Variants in BRWD1 observed in about 807,000 individuals in gnomAD.
BRWD1 encodes bromodomain and WD repeat-containing protein 1.
Under a neutral mutation model 251.2 loss-of-function variants are expected in BRWD1, and 82 were observed. That is an observed-to-expected ratio of 0.33 (90% CI 0.27 to 0.39). The LOEUF (loss-of-function observed/expected upper bound fraction) is 0.39, where lower values mean the gene tolerates loss of function less well. Among genes scored for constraint, BRWD1 ranks in the 10% least tolerant of loss-of-function variants. The pLI is 1.00. For synonymous variants in BRWD1, 918 were observed against 902.8 expected, an observed-to-expected ratio of 1.02 and a Z score of -0.30; for missense variants, 2,233 against 2,711.6, an observed-to-expected ratio of 0.82 and a Z score of 3.92.
chr21:39,313,322 G>A (rs1320363755), intron 1 of BRWD1, 23 bp from the exon 2 acceptor site: 19 of 1,528,220 alleles, frequency 1.2e-5, no homozygotes, highest in Admixed American at 5.6e-5. Flanking sequence ...AAGGAGTCAG[G>A]TCAAGCCCCG....
chr21:39,301,291 T>C (rs1234616222), intron 4 of BRWD1, among the ~76,000 whole-genome samples: 1 of 152,194 alleles, frequency 6.6e-6, no homozygotes, highest in Non-Finnish European at 1.5e-5. Context: ...CCCCTCCTCA[T>C]TTACTTCAGA....
At chr21:39,205,302 T>C (rs1404440384) in intron 37 of BRWD1, among the ~76,000 whole-genome samples, 1 of 151,950 alleles carries the variant, frequency 6.6e-6, no homozygotes, top group Admixed American at 6.6e-5. Flanking sequence ...CAAGACCCCA[T>C]CTATACAAAA....
At chr21:39,285,801 A>G (rs1290262945) in intron 8 of BRWD1, among the ~76,000 whole-genome samples, 1 of 145,598 alleles carries the variant, frequency 6.9e-6, no homozygotes, top group Admixed American at 7.3e-5. Context: ...GTGGTGACAC[A>G]CACCTGTAGT....
In BRWD1 at chr21:39,287,079, G is replaced by T. The variant is rs188552731; in HGVS notation, c.831+6732C>A. On this transcript the variant is annotated intron_variant, in intron 8 of 40. Coordinates refer to ENST00000342449, the MANE Select transcript of BRWD1 (RefSeq NM_033656.4). ...ACTTCAACCCTAAAATCCTTAGTGTGTATCTCCTAACAATGACATTCTCCT... is the reference window on the plus strand; with the variant it reads ...ACTTCAACCCTAAAATCCTTAGTGTTTATCTCCTAACAATGACATTCTCCT... Among the ~76,000 whole-genome samples the T allele has an allele frequency of 1.4e-4, 22 of 152,232 alleles. No homozygotes were observed. The East Asian group carries it at 3.9e-3, about 27-fold the overall frequency.
At chr21:39,228,460 A>C (rs1300551532) in intron 27 of BRWD1, 40 bp downstream of exon 27, 1 of 1,381,984 alleles carries the variant, frequency 7.2e-7, no homozygotes, top group African/African-American at 1.4e-5. Flanking sequence ...AAACAGATTA[A>C]TTTTTAAGGG....
Position 39,192,684 on chromosome 21 carries a change from G to A in BRWD1, c.*3575C>T, listed in dbSNP as rs1254523599. The A allele has an allele frequency of 1.0e-6, 1 of 984,970 alleles. No homozygotes were observed. Among genetic ancestry groups the A allele is most frequent in the Non-Finnish European group, 1.2e-6 (1 of 829,706 alleles). The allele number at this position is 984,970 out of a possible 1,614,324, so 61.0% of individuals were successfully genotyped here. A position where few individuals can be genotyped will look rare whatever the true frequency, so the allele number is the denominator to read the frequency against. On this transcript the variant is annotated 3_prime_UTR_variant, in exon 41 of 41. Coordinates refer to ENST00000342449, the MANE Select transcript of BRWD1 (RefSeq NM_033656.4). The stretch of plus-strand genomic sequence containing the variant: ...AGCTGGTTATTTCAGCTTTAAAAGG[G>A]CAAAGCAAAAAGACCATTTTCTAGC...
intron 22 of BRWD1, 61 bp downstream of exon 22, chr21:39,238,418 A>G (rs2146572293): frequency 7.4e-7 from 1 of 1,356,930 alleles, no homozygotes; most frequent in Non-Finnish European, 1.0e-6. Flanking sequence ...AAATTCAAGT[A>G]TGATTCCATC....
intron 13 of BRWD1, among the ~76,000 whole-genome samples, chr21:39,272,005 T>C (rs2035124247): frequency 1.6e-5 from 1 of 60,934 alleles, no homozygotes; most frequent in Admixed American, 1.8e-4. Context: ...TGCCACTCCA[T>C]TTCAAAAAAA....
At position 39,199,282 on chromosome 21, in the gene BRWD1, C is replaced by T. The variant is rs2031986284; in HGVS notation, c.5134G>A (p.Val1712Ile). 2 of 1,614,122 alleles carry T rather than the reference C, an allele frequency of 1.2e-6. No homozygotes were observed. The highest frequency in any genetic ancestry group is 3.3e-5 in the Admixed American group (2 of 60,000). The change falls in exon 40 of 41, where the codon GTT becomes ATT. Residue 1712 changes from valine to isoleucine, a missense_variant. Physicochemically the swap from Val to Ile is conservative, Grantham distance 29. This residue lies in a region of BRWD1 where 928 missense variants were observed against 970.0 expected (regional missense o/e 0.96). Transcript: ENST00000342449. ...VSSSHTAQSN[V>I]DESENRDSES... ...GAGTCTCTGTTTTCAGATTCATCAACATTGCTCTGGGCAGTGTGAGAACTG... is the reference window on the plus strand; with the variant it reads ...GAGTCTCTGTTTTCAGATTCATCAATATTGCTCTGGGCAGTGTGAGAACTG...
At chr21:39,213,240 T>C (rs1427120300) in intron 33 of BRWD1, among the ~76,000 whole-genome samples, 1 of 152,198 alleles carries the variant, frequency 6.6e-6, no homozygotes, top group Non-Finnish European at 1.5e-5. Flanking sequence ...TTTCACTAGC[T>C]AAAATATAGA....
At chr21:39,296,692 C>G in intron 5 of BRWD1, 1 of 866,168 alleles carries the variant, frequency 1.2e-6, no homozygotes, top group Non-Finnish European at 1.4e-6. Context: ...AACTGAGGCT[C>G]AAAGGTTCCA....
intron 19 of BRWD1, among the ~76,000 whole-genome samples, chr21:39,254,889 G>A (rs1568920214): frequency 2.0e-5 from 3 of 152,116 alleles, no homozygotes. Context: ...AAACATTTAT[G>A]ACACCTGAAA....
chr21:39,199,206 C>G lies in BRWD1; in HGVS notation c.5210G>C (p.Gly1737Ala). The G allele has an allele frequency of 6.2e-7, 1 of 1,614,146 alleles. No individual in the cohort carries two copies. The highest frequency in any genetic ancestry group is 8.5e-7 in the Non-Finnish European group (1 of 1,180,028). ...AGGTGCTGGAGTATGGGACTTGTAA[C>G]CATTAGCATGCCAATTTTTCCGGGC... ...RVARKNWHANGYKSHTPAPSK... is the reference protein window; with the variant it reads ...RVARKNWHANAYKSHTPAPSK... The change falls in exon 40 of 41, where the codon GGT becomes GCT. Residue 1737 changes from glycine to alanine, a missense_variant. This residue lies in a region of BRWD1 where 928 missense variants were observed against 970.0 expected (regional missense o/e 0.96). Coordinates refer to ENST00000342449, the MANE Select transcript of BRWD1 (RefSeq NM_033656.4).
chr21:39,193,707 C>CT lies in BRWD1; in HGVS notation c.*2551dup. ...TCACATTCAAATTATAACCCTTTATCTTTTTCTCAAGAATACTACAAACTG... is the reference window on the plus strand; with the variant it reads ...TCACATTCAAATTATAACCCTTTATCTTTTTTCTCAAGAATACTACAAACTG... On this transcript the variant is annotated 3_prime_UTR_variant, in exon 41 of 41. Coordinates refer to ENST00000342449, the MANE Select transcript of BRWD1 (RefSeq NM_033656.4). 2.0e-6 allele frequency: 2 copies of CT among 985,482 alleles called. No individual in the cohort carries two copies. Among genetic ancestry groups the CT allele is most frequent in the Non-Finnish European group, 2.4e-6 (2 of 829,680 alleles). The allele number at this position is 985,482 out of a possible 1,614,324, so 61.0% of individuals were successfully genotyped here.
chr21:39,187,727 T>C lies in BRWD1; in HGVS notation c.*8532A>G. 1.0e-6 allele frequency: 1 copy of C among 985,062 alleles called. No individual in the cohort carries two copies. The highest frequency in any genetic ancestry group is 1.2e-6 in the Non-Finnish European group (1 of 829,626). The allele number at this position is 985,062 out of a possible 1,614,324, so 61.0% of individuals were successfully genotyped here. A position where few individuals can be genotyped will look rare whatever the true frequency, so the allele number is the denominator to read the frequency against. ...CATATATATGAGCATTTTACATAATTTGAATTACTAAATCTTAACTTCATT... is the reference window on the plus strand; with the variant it reads ...CATATATATGAGCATTTTACATAATCTGAATTACTAAATCTTAACTTCATT... On this transcript the variant is annotated 3_prime_UTR_variant, in exon 41 of 41. Coordinates refer to ENST00000342449, the MANE Select transcript of BRWD1 (RefSeq NM_033656.4).
chr21:39,320,248 G>T (rs986431521), intron 1 of BRWD1, among the ~76,000 whole-genome samples: 15 of 152,164 alleles, frequency 9.9e-5, no homozygotes, highest in African/African-American at 3.6e-4. Flanking sequence ...TGCTATTTGT[G>T]TGCATATAGA....
chr21:39,238,543 C>G lies in BRWD1; in HGVS notation c.2512G>C (p.Gly838Arg). Reference protein sequence around the residue: ...ETSCDQSEGSGSSEEDEWRSD... With the variant: ...ETSCDQSEGSRSSEEDEWRSD... Reference sequence around the variant, plus strand: ...CTCCATTCATCCTCTTCTGAAGAACCAGAACCTTCACTCTGATCACAGGAA... The same window carrying G: ...CTCCATTCATCCTCTTCTGAAGAACGAGAACCTTCACTCTGATCACAGGAA... The change falls in exon 22 of 41, where the codon GGT becomes CGT. Residue 838 changes from glycine (G) to arginine (R), a missense_variant. Physicochemically the swap from Gly to Arg is moderately radical, Grantham distance 125 (BLOSUM62 -2). Transcript: ENST00000342449. The G allele has an allele frequency of 6.2e-7, 1 of 1,613,614 alleles. No homozygotes were observed. Among genetic ancestry groups the G allele is most frequent in the Non-Finnish European group, 8.5e-7 (1 of 1,179,710 alleles).
chr21:39,312,362 A>C (rs2036515042), intron 4 of BRWD1, among the ~76,000 whole-genome samples: 1 of 152,248 alleles, frequency 6.6e-6, no homozygotes, highest in Non-Finnish European at 1.5e-5. Flanking sequence ...CAAAACAAAA[A>C]ATAAAAAGCT....
chr21:39,226,769 C>T (rs1173695080), intron 27 of BRWD1, among the ~76,000 whole-genome samples: 1 of 152,148 alleles, frequency 6.6e-6, no homozygotes, highest in Admixed American at 6.5e-5. Context: ...CAATCTTTCA[C>T]GTCAGATGAG....
Sources: allele counts gnomAD v4.1 joint callset (sites outside exome capture counted in the v4.1 genomes callset), GRCh38; gene constraint gnomAD v4.1.1; regional missense constraint gnomAD v4.1.1; transcripts MANE v1.5; gene names NCBI Gene and HGNC (gene_info 2026-07-23, HGNC 2026-07-21).